SYNPR: variants seen among roughly 807,000 people sequenced by gnomAD.
SYNPR encodes synaptoporin.
In SYNPR, 23 loss-of-function variants were observed where a neutral mutation model predicts 32.9. The ratio of observed to expected loss-of-function variants is 0.70; its 90% CI spans 0.50 to 0.99. The LOEUF (loss-of-function observed/expected upper bound fraction) is 0.99. Among genes scored for constraint, SYNPR ranks in the 50% least tolerant of loss-of-function variants. The pLI is 0.00. For synonymous variants in SYNPR, 146 were observed against 135.9 expected (o/e 1.07, Z -0.52); for missense variants, 318 against 349.3 (o/e 0.91, Z 0.71).
intron 2 of SYNPR, among the ~76,000 whole-genome samples, chr3:63,425,916 G>A (rs1463439438): frequency 6.6e-6 from 1 of 151,722 alleles, no homozygotes; most frequent in African/African-American, 2.4e-5. Context: ...CTGAGTAGCT[G>A]GGATTACAGG....
intron 3 of SYNPR, among the ~76,000 whole-genome samples, chr3:63,520,150 A>G (rs752956702): frequency 8.5e-5 from 13 of 152,238 alleles, no homozygotes; most frequent in Non-Finnish European, 1.3e-4. Flanking sequence ...TGTCCCACAC[A>G]TAAGTCATGA....
chr3:63,252,208 G>A (rs1487655290), intron 1 of SYNPR, among the ~76,000 whole-genome samples: 2 of 152,130 alleles, frequency 1.3e-5, no homozygotes, highest in Non-Finnish European at 2.9e-5. Flanking sequence ...TCAAGGATAT[G>A]AATGACACAG....
At chr3:63,318,502 G>A (rs1276982726) in intron 2 of SYNPR, among the ~76,000 whole-genome samples, 1 of 151,806 alleles carries the variant, frequency 6.6e-6, no homozygotes, top group Non-Finnish European at 1.5e-5. Flanking sequence ...CAAAGACCTT[G>A]TCTTTGAGCT....
chr3:63,258,537 C>A (rs1329134282), intron 2 of SYNPR, among the ~76,000 whole-genome samples: 1 of 152,102 alleles, frequency 6.6e-6, no homozygotes, highest in African/African-American at 2.4e-5. Flanking sequence ...AACAAAGACA[C>A]AACATACCAG....
At chr3:63,331,156 G>A (rs1259726865) in intron 2 of SYNPR, among the ~76,000 whole-genome samples, 4 of 152,124 alleles carry the variant, frequency 2.6e-5, no homozygotes, top group East Asian at 3.9e-4. Flanking sequence ...ATTGCATTAT[G>A]TGTCCCTTAA....
chr3:63,227,615 T>C (rs2086138328), upstream of SYNPR, among the ~76,000 whole-genome samples: 1 of 152,216 alleles, frequency 6.6e-6, no homozygotes. Flanking sequence ...CTTCTCTATA[T>C]TTGGCATGTA....
At chr3:63,250,148 C>T (rs929526368) in intron 1 of SYNPR, among the ~76,000 whole-genome samples, 2 of 151,978 alleles carry the variant, frequency 1.3e-5, no homozygotes, top group African/African-American at 4.8e-5. Flanking sequence ...AACCATAAAT[C>T]ATTGTATATT....
intron 3 of SYNPR, among the ~76,000 whole-genome samples, chr3:63,513,682 T>A (rs4472048): frequency 1.3e-5 from 2 of 151,756 alleles, no homozygotes; most frequent in Non-Finnish European, 2.9e-5. Flanking sequence ...GAATTGTGCC[T>A]CCCAAAAGAT....
In SYNPR at chr3:63,398,103, A is replaced by AAAGT. The variant is rs1186203267; in HGVS notation, c.85-82729_85-82728insAAGT. ...CCTGGGCTGCAAAATGATCAAGTGA[A>AAAGT]TACTTTACTTCTGGGGACATGGCTC... On this transcript the variant is annotated intron_variant, in intron 2 of 5. Transcript: ENST00000478300. Among the ~76,000 whole-genome samples the AAAGT allele has an allele frequency of 1.6e-3, 247 of 152,286 alleles. 4 individuals are homozygous for AAAGT. Among genetic ancestry groups the AAAGT allele is most frequent in the Middle Eastern group, 0.01 (3 of 294 alleles).
chr3:63,367,698 A>G (rs2107045949), intron 2 of SYNPR, among the ~76,000 whole-genome samples: 1 of 152,260 alleles, frequency 6.6e-6, no homozygotes, highest in African/African-American at 2.4e-5. Flanking sequence ...CTAGTTACCA[A>G]TTTTAATACT....
the SYNPR span, among the ~76,000 whole-genome samples, chr3:63,220,407 C>T: frequency 5.9e-5 from 9 of 152,106 alleles, no homozygotes; most frequent in African/African-American, 2.2e-4. Context: ...ATTCCTGGGG[C>T]TGTCCTTGAA....
At chr3:63,563,630 T>A (rs1454740985) in intron 4 of SYNPR, among the ~76,000 whole-genome samples, 1 of 152,182 alleles carries the variant, frequency 6.6e-6, no homozygotes, top group African/African-American at 2.4e-5. Context: ...CAGTTCCATT[T>A]CATGTCTATT....
intron 1 of SYNPR, among the ~76,000 whole-genome samples, chr3:63,243,866 A>T (rs906231151): frequency 3.3e-5 from 5 of 152,012 alleles, no homozygotes; most frequent in Non-Finnish European, 7.4e-5. Context: ...GAGCTGTGGA[A>T]TAAAAAAAAC....
intron 1 of SYNPR, among the ~76,000 whole-genome samples, chr3:63,247,261 A>G (rs2106885952): frequency 6.6e-6 from 1 of 152,168 alleles, no homozygotes; most frequent in East Asian, 1.9e-4. Context: ...ATTACATAAG[A>G]AATGTTTTTT....
intron 2 of SYNPR, among the ~76,000 whole-genome samples, chr3:63,253,868 G>T (rs1472247566): frequency 1.3e-5 from 2 of 152,194 alleles, no homozygotes. Context: ...ACATGCATAT[G>T]TATGTTTATT....
chr3:63,535,789 T>C (rs898759453), intron 3 of SYNPR, among the ~76,000 whole-genome samples: 1 of 151,004 alleles, frequency 6.6e-6, no homozygotes, highest in African/African-American at 2.4e-5. Flanking sequence ...AATTAACTCA[T>C]AATGGAACAT....
chr3:63,608,654 A>T (rs1457925617), intron 4 of SYNPR, among the ~76,000 whole-genome samples: 1 of 152,220 alleles, frequency 6.6e-6, no homozygotes, highest in Non-Finnish European at 1.5e-5. Flanking sequence ...AACCATTAGC[A>T]GATCTGTCTA....
At chr3:63,385,086 C>T (rs1268510889) in intron 2 of SYNPR, among the ~76,000 whole-genome samples, 4 of 152,118 alleles carry the variant, frequency 2.6e-5, no homozygotes, top group Admixed American at 6.5e-5. Context: ...ATCTACCCTA[C>T]TTTCTCAATT....
Position 63,393,491 on chromosome 3 carries a change from C to CTTTTTTTT in SYNPR, c.85-87339_85-87338insTTTTTTTT, listed in dbSNP as rs1482584312. Reference sequence around the variant, plus strand: ...CCTTTCCTTCCTTCCTTCTTTCTTTCTTCTCTTTTTTTTTTTTTTTTTTTT... The same window carrying CTTTTTTTT: ...CCTTTCCTTCCTTCCTTCTTTCTTTCTTTTTTTTTTCTCTTTTTTTTTTTTTTTTTTTT... On this transcript the variant is annotated intron_variant, in intron 2 of 5. Coordinates refer to ENST00000478300, the MANE Select transcript of SYNPR (RefSeq NM_001130003.2). Among the ~76,000 whole-genome samples, 116 of 116,530 alleles carry CTTTTTTTT rather than the reference C, an allele frequency of 1.0e-3. 3 individuals carry two copies. Among genetic ancestry groups the CTTTTTTTT allele is most frequent in the African/African-American group, 3.2e-3 (84 of 26,416 alleles). The allele number at this position is 116,530 out of a possible 152,430, so 76.4% of individuals were successfully genotyped here.
Sources: allele counts gnomAD v4.1 joint callset (sites outside exome capture counted in the v4.1 genomes callset), GRCh38; gene constraint gnomAD v4.1.1; transcripts MANE v1.5; gene names NCBI Gene and HGNC (gene_info 2026-07-23, HGNC 2026-07-21).